The following ANKRD31 variants were observed in gnomAD, a reference collection of about 807,000 sequenced individuals.
ANKRD31 encodes ankyrin repeat domain 31, also known as ankyrin repeat domain-containing protein 31.
Under a neutral mutation model 186.0 loss-of-function variants are expected in ANKRD31, and 147 were observed. The observed-to-expected ratio is 0.79, with a 90% CI of 0.69 to 0.91. ANKRD31 has a LOEUF of 0.91. Ranked by LOEUF, ANKRD31 falls within the 40% of genes least tolerant of loss-of-function variation. The pLI is 0.00. For missense variants in ANKRD31, 1,986 were observed against 2,148.8 expected (o/e 0.92, Z 1.50); for synonymous variants, 673 against 736.4 (o/e 0.91, Z 1.39).
intron 3 of ANKRD31, among the ~76,000 whole-genome samples, chr5:75,220,437 C>G (rs529688070): frequency 6.6e-6 from 1 of 151,798 alleles, no homozygotes; most frequent in South Asian, 2.1e-4. Context: ...GTCGAAAGTT[C>G]GAGACCAGCC....
chr5:75,112,858 A>C (rs1455662956), intron 19 of ANKRD31, among the ~76,000 whole-genome samples: 2 of 152,208 alleles, frequency 1.3e-5, no homozygotes, highest in African/African-American at 4.8e-5. Flanking sequence ...TAGCAATCAC[A>C]AGAAATCAAT....
chr5:75,182,680 T>C lies in ANKRD31; in HGVS notation c.1564+5813A>G, dbSNP rs527770056. Among the ~76,000 whole-genome samples, 28 of 150,630 alleles carry C rather than the reference T, an allele frequency of 1.9e-4. No homozygotes were observed. The East Asian group carries it at 4.5e-3, about 24-fold the overall frequency. ...GTTTCAGTGAGCCGAGATAGCGCCA[T>C]TGCACTCCAGCCTGGGTGACAAGAG... On this transcript the variant is annotated intron_variant, in intron 10 of 25. Transcript: ENST00000506364.
At chr5:75,176,035 T>G (rs775085399) in intron 10 of ANKRD31, among the ~76,000 whole-genome samples, 1 of 152,162 alleles carries the variant, frequency 6.6e-6, no homozygotes, top group African/African-American at 2.4e-5. Context: ...ACTCCCACCC[T>G]AATACTGCGC....
chr5:75,127,513 C>T (rs766045623), intron 17 of ANKRD31, among the ~76,000 whole-genome samples: 1 of 152,138 alleles, frequency 6.6e-6, no homozygotes, highest in South Asian at 2.1e-4. Flanking sequence ...ATGCTAGTAA[C>T]ATACTGTCTT....
chr5:75,099,943 G>GTTA (rs755599979), intron 22 of ANKRD31, among the ~76,000 whole-genome samples: 20 of 152,158 alleles, frequency 1.3e-4, no homozygotes, highest in Middle Eastern at 3.4e-3. Flanking sequence ...TCTTATCTTA[G>GTTA]TTATTTCTTG....
chr5:75,148,782 A>G (rs904794226), intron 12 of ANKRD31, among the ~76,000 whole-genome samples, 154 bp from the exon 13 acceptor site: 5 of 151,910 alleles, frequency 3.3e-5, no homozygotes, highest in African/African-American at 1.2e-4. Context: ...CAACATTCCT[A>G]TAAGTTCCAT....
chr5:75,195,958 T>G lies in ANKRD31; in HGVS notation c.690A>C (p.Ser230=). 1 of 1,532,556 alleles carries G rather than the reference T, an allele frequency of 6.5e-7. No homozygotes were observed. Among genetic ancestry groups the G allele is most frequent in the Non-Finnish European group, 8.7e-7 (1 of 1,144,666 alleles). The allele number at this position is 1,532,556 out of a possible 1,614,324, so 94.9% of individuals were successfully genotyped here. A position where few individuals can be genotyped will look rare whatever the true frequency, so the allele number is the denominator to read the frequency against. ...FVSALESLLT[S]PESTQEERLF... The stretch of plus-strand genomic sequence containing the variant: ...ATCTTTCCTCCTGGGTGCTTTCTGG[T>G]GATGTAAGTAAACTTTCTAAGGCAG... The change falls in exon 7 of 26, where the codon TCA becomes TCC. Residue 230 remains serine, a synonymous_variant. Transcript: ENST00000506364.
At position 75,118,301 on chromosome 5, in the gene ANKRD31, C is replaced by T. The variant is rs1177960069; in HGVS notation, c.3877-4G>A. The T allele has an allele frequency of 2.7e-6, 4 of 1,472,734 alleles. No individual in the cohort carries two copies. The highest frequency in any genetic ancestry group is 1.4e-5 in the South Asian group (1 of 71,656). The allele number at this position is 1,472,734 out of a possible 1,614,324, so 91.2% of individuals were successfully genotyped here. ...TTTGTAGTAGAATCTCAGCTGCCTA[C>T]AAAGTATTTTTTCAAAGTTATCTCT... On this transcript the variant is annotated splice_region_variant and splice_polypyrimidine_tract_variant and intron_variant, in intron 17 of 25. Transcript: ENST00000506364.
chr5:75,220,430 G>A (rs1465289782), intron 3 of ANKRD31, among the ~76,000 whole-genome samples: 3 of 151,894 alleles, frequency 2.0e-5, no homozygotes, highest in African/African-American at 2.4e-5. Context: ...ACCTGAGGTC[G>A]AAAGTTCGAG....
At chr5:75,184,350 A>G (rs1754551253) in intron 10 of ANKRD31, among the ~76,000 whole-genome samples, 1 of 152,182 alleles carries the variant, frequency 6.6e-6, no homozygotes, top group African/African-American at 2.4e-5. Context: ...TTTTTTAGAT[A>G]AGACCTTAAA....
intron 9 of ANKRD31, among the ~76,000 whole-genome samples, chr5:75,189,730 T>C (rs1284033785): frequency 1.3e-5 from 2 of 152,212 alleles, no homozygotes; most frequent in Admixed American, 6.5e-5. Context: ...CAATTAAGTA[T>C]AAAGCTGTAT....
intron 6 of ANKRD31, among the ~76,000 whole-genome samples, chr5:75,199,382 C>T (rs1484074887): frequency 6.6e-6 from 1 of 152,098 alleles, no homozygotes; most frequent in East Asian, 1.9e-4. Context: ...TTATGTATTT[C>T]TACTCTAGAT....
chr5:75,145,054 G>C (rs1229918450), intron 14 of ANKRD31, among the ~76,000 whole-genome samples: 1 of 152,174 alleles, frequency 6.6e-6, no homozygotes, highest in African/African-American at 2.4e-5. Context: ...TCTCACGCCA[G>C]TTAGAATGGC....
intron 15 of ANKRD31, among the ~76,000 whole-genome samples, chr5:75,142,690 C>T (rs1283317719): frequency 2.0e-5 from 3 of 152,024 alleles, no homozygotes; most frequent in Non-Finnish European, 4.4e-5. Context: ...AATTGGAAAT[C>T]TGTGGAGGGT....
At chr5:75,136,785 G>C in intron 17 of ANKRD31, among the ~76,000 whole-genome samples, 1 of 152,108 alleles carries the variant, frequency 6.6e-6, no homozygotes, top group East Asian at 1.9e-4. Context: ...CAATGATAGA[G>C]TGGATTAAGA....
intron 18 of ANKRD31, 45 bp from the exon 19 acceptor site, chr5:75,116,726 T>C (rs1748311997): frequency 2.6e-6 from 3 of 1,158,136 alleles, no homozygotes; most frequent in Admixed American, 2.8e-5. Context: ...TGTGCAAAAA[T>C]ATAGTTTCAT....
chr5:75,071,788 G>A (rs1744251736), intron 25 of ANKRD31, among the ~76,000 whole-genome samples: 1 of 152,018 alleles, frequency 6.6e-6, no homozygotes, highest in Admixed American at 6.6e-5. Flanking sequence ...ATGAGCCACC[G>A]CGCCCGGCCG....
chr5:75,197,517 T>C (rs1273795909), intron 6 of ANKRD31, among the ~76,000 whole-genome samples: 1 of 152,186 alleles, frequency 6.6e-6, no homozygotes, highest in Admixed American at 6.6e-5. Context: ...GCCACCTTTA[T>C]GTACTTTGTA....
chr5:75,126,466 C>A (rs556283498), intron 17 of ANKRD31, among the ~76,000 whole-genome samples: 2 of 152,082 alleles, frequency 1.3e-5, no homozygotes, highest in Non-Finnish European at 2.9e-5. Context: ...TTCCTTTTAA[C>A]AACTTATTCA....
Sources: allele counts gnomAD v4.1 joint callset (sites outside exome capture counted in the v4.1 genomes callset), GRCh38; gene constraint gnomAD v4.1.1; transcripts MANE v1.5; gene names NCBI Gene and HGNC (gene_info 2026-07-23, HGNC 2026-07-21).